Variants in ZNF362 observed in about 807,000 individuals in gnomAD.
The protein encoded by ZNF362 is zinc finger protein 362, also known as rotund homolog.
ZNF362 carries 11 observed loss-of-function variants against 42.9 expected under a neutral mutation model. That is an observed-to-expected ratio of 0.26 (90% CI 0.16 to 0.42). The LOEUF is 0.42. Among genes scored for constraint, ZNF362 ranks in the 20% least tolerant of loss-of-function variants. The pLI is 1.00. For synonymous variants in ZNF362, 255 were observed against 257.3 expected, an observed-to-expected ratio of 0.99 and a Z score of 0.09; for missense variants, 362 against 576.2, an observed-to-expected ratio of 0.63 and a Z score of 3.81.
chr1:33,279,681 A>G lies in ZNF362; in HGVS notation c.350-443A>G, dbSNP rs150484951. On this transcript the variant is annotated intron_variant, in intron 4 of 8. Transcript: ENST00000539719. ...TTTTATTACTCCTGATCTACTATCC[A>G]TATCACATTTTGGCACGTTCTTTCC... 2.6e-3 allele frequency among the ~76,000 whole-genome samples: 384 copies of G among 150,108 alleles called. 2 individuals are homozygous for G. Among genetic ancestry groups the G allele is most frequent in the African/African-American group, 9.0e-3 (368 of 40,882 alleles).
intron 1 of ZNF362, among the ~76,000 whole-genome samples, chr1:33,262,516 C>T (rs1377710637): frequency 6.6e-6 from 1 of 151,944 alleles, no homozygotes; most frequent in East Asian, 1.9e-4. Flanking sequence ...ACCGTGTTAG[C>T]CAGGATGGTC....
At chr1:33,227,878 A>G in the ZNF362 span, among the ~76,000 whole-genome samples, 1 of 151,634 alleles carries the variant, frequency 6.6e-6, no homozygotes, top group Non-Finnish European at 1.5e-5. Context: ...TTTCCCACTC[A>G]GTTATTTACT....
chr1:33,176,896 C>T, the ZNF362 span, among the ~76,000 whole-genome samples: 22 of 152,210 alleles, frequency 1.4e-4, no homozygotes, highest in East Asian at 5.8e-4. Flanking sequence ...TTAGTGCAGT[C>T]CCAGGCATTC....
At chr1:33,159,810 C>T in the ZNF362 span, 1 of 1,613,924 alleles carries the variant, frequency 6.2e-7, no homozygotes, top group Non-Finnish European at 8.5e-7. This position sits in a 1 kb window ranked among gnomAD's most constrained non-coding sequence, Gnocchi z 4.2. Context: ...GCTGGACTTT[C>T]TGCTCGATGT....
At chr1:33,159,016 T>G in the ZNF362 span, among the ~76,000 whole-genome samples, 1 of 150,570 alleles carries the variant, frequency 6.6e-6, no homozygotes, top group Admixed American at 6.6e-5. The surrounding 1 kb of genome is among the most constrained non-coding windows in gnomAD (Gnocchi z 4.2). Context: ...AATTTTTGTA[T>G]TTTTTTTTAG....
chr1:33,276,627 T>G (rs4475712), intron 4 of ZNF362, 33 bp downstream of exon 4: 2 of 1,311,194 alleles, frequency 1.5e-6, no homozygotes, highest in Non-Finnish European at 1.9e-6. Context: ...GCGGGGCCGG[T>G]GAGGACTGGG....
At chr1:33,235,049 T>A in the ZNF362 span, among the ~76,000 whole-genome samples, 1 of 152,102 alleles carries the variant, frequency 6.6e-6, no homozygotes, top group South Asian at 2.1e-4. Context: ...CCTCTGTTAG[T>A]CACCTGTGAT....
At chr1:33,270,710 C>A in intron 2 of ZNF362, 98 bp downstream of exon 2, 1 of 1,549,474 alleles carries the variant, frequency 6.5e-7, no homozygotes, top group South Asian at 1.3e-5. Flanking sequence ...TGAGTGCCCC[C>A]GCTGCTACCC....
At chr1:33,243,144 T>TTATGC in the ZNF362 span, among the ~76,000 whole-genome samples, 4 of 150,514 alleles carry the variant, frequency 2.7e-5, no homozygotes, top group Non-Finnish European at 4.4e-5. Context: ...TTATGTTATG[T>TTATGC]TATGTTATGT....
the ZNF362 span, among the ~76,000 whole-genome samples, chr1:33,136,257 TTTTC>T: frequency 9.3e-5 from 14 of 151,270 alleles, no homozygotes; most frequent in South Asian, 2.1e-4. Context: ...CTCTCTTTCT[TTTTC>T]TTTCTCTCTT....
At chr1:33,243,769 T>G in the ZNF362 span, among the ~76,000 whole-genome samples, 1 of 150,382 alleles carries the variant, frequency 6.6e-6, no homozygotes, top group African/African-American at 2.4e-5. Flanking sequence ...GCCAATTTTT[T>G]TTTTTTTTTT....
chr1:33,177,777 T>A, the ZNF362 span, among the ~76,000 whole-genome samples: 3 of 152,162 alleles, frequency 2.0e-5, no homozygotes, highest in African/African-American at 7.2e-5. The surrounding 1 kb of genome is among the most constrained non-coding windows in gnomAD (Gnocchi z 4.1). Context: ...TAGCCCCAAA[T>A]GTCAATAATG....
At chr1:33,150,433 A>G in the ZNF362 span, among the ~76,000 whole-genome samples, 4 of 152,224 alleles carry the variant, frequency 2.6e-5, no homozygotes, top group Non-Finnish European at 4.4e-5. Flanking sequence ...CCAGTGACCT[A>G]TATCAAGTTC....
In ZNF362 at chr1:33,294,713, G is replaced by C. The variant is rs1646104673; in HGVS notation, c.909-224G>C. On this transcript the variant is annotated intron_variant, in intron 6 of 8. Transcript: ENST00000539719. The surrounding 1 kb of genome is among the most constrained non-coding windows in gnomAD (Gnocchi z 4.2). ...TGGGCTGGGGACAGCTGGGACCTGT[G>C]GGAAGTAGGAGGCTCTGGTCAGACT... 6.6e-6 allele frequency among the ~76,000 whole-genome samples: 1 copy of C among 152,138 alleles called. No homozygotes were observed. The highest frequency in any genetic ancestry group is 2.1e-4 in the South Asian group (1 of 4,822).
the ZNF362 span, among the ~76,000 whole-genome samples, chr1:33,245,426 G>A: frequency 9.9e-5 from 15 of 151,900 alleles, no homozygotes; most frequent in Non-Finnish European, 5.9e-5. Context: ...AATGACATAG[G>A]CTTGCTATAG....
chr1:33,181,469 A>AG, the ZNF362 span: 5 of 1,546,792 alleles, frequency 3.2e-6, no homozygotes, highest in African/African-American at 2.8e-5. This position sits in a 1 kb window ranked among gnomAD's most constrained non-coding sequence, Gnocchi z 6.5. Context: ...CCCGAGGGGC[A>AG]GGGGGGCGGC....
At chr1:33,295,388 G>A (rs1646114250) in intron 8 of ZNF362, 83 bp downstream of exon 8, 1 of 1,495,654 alleles carries the variant, frequency 6.7e-7, no homozygotes, top group Non-Finnish European at 9.0e-7. Context: ...TGTCAGATCT[G>A]TGTCGACTCT....
the ZNF362 span, chr1:33,145,867 A>G: frequency 2.1e-6 from 1 of 471,204 alleles, no homozygotes; most frequent in South Asian, 1.5e-5. Context: ...TTCTAGGGAA[A>G]TGACATTTCC....
the ZNF362 span, among the ~76,000 whole-genome samples, chr1:33,150,159 G>T: frequency 6.6e-6 from 1 of 152,244 alleles, no homozygotes; most frequent in Admixed American, 6.5e-5. Flanking sequence ...CCATTTCCAG[G>T]CAACAGCAAG....
Sources: gnomAD v4.1 joint callset for allele counts (sites outside exome capture counted in the v4.1 genomes callset) on GRCh38, gnomAD v4.1.1 for gene constraint, Gnocchi (gnomAD v3.1) non-coding constraint, MANE v1.5 for transcripts, NCBI Gene and HGNC (gene_info 2026-07-23, HGNC 2026-07-21) for gene names.